Variants in STAU1 observed in about 807,000 individuals in gnomAD.
STAU1 encodes double-stranded RNA-binding protein Staufen homolog 1.
Under a neutral mutation model 62.9 loss-of-function variants are expected in STAU1, and 13 were observed. The ratio of observed to expected loss-of-function variants is 0.21; its 90% CI spans 0.13 to 0.33. The LOEUF is 0.33. STAU1 is among the 10% of genes least tolerant of loss of function. The pLI is 1.00. For synonymous variants in STAU1, 269 were observed against 265.1 expected, an observed-to-expected ratio of 1.01 and a Z score of -0.14; for missense variants, 571 against 712.1, an observed-to-expected ratio of 0.80 and a Z score of 2.25.
intron 3 of STAU1, among the ~76,000 whole-genome samples, chr20:49,154,736 G>A (rs1483910846): frequency 6.7e-6 from 1 of 150,354 alleles, no homozygotes; most frequent in African/African-American, 2.4e-5. Flanking sequence ...CATGGTGGCG[G>A]GTGCCTGCAG....
intron 3 of STAU1, among the ~76,000 whole-genome samples, chr20:49,158,705 G>A (rs1241471979): frequency 6.6e-6 from 1 of 152,024 alleles, no homozygotes; most frequent in East Asian, 1.9e-4. Flanking sequence ...AGCTACTTGG[G>A]TAGCTGAGGC....
chr20:49,159,143 A>G, intron 3 of STAU1: 1 of 1,078,868 alleles, frequency 9.3e-7, no homozygotes, highest in South Asian at 2.6e-5. Context: ...TGAAGGGGAA[A>G]AAGCTAAAAA....
At chr20:49,149,022 G>A (rs1221608296) in intron 5 of STAU1, among the ~76,000 whole-genome samples, 1 of 152,056 alleles carries the variant, frequency 6.6e-6, no homozygotes, top group African/African-American at 2.4e-5. Context: ...AGGCCAAGGT[G>A]GTCAGATCAC....
chr20:49,166,579 A>T (rs2093529847), intron 2 of STAU1, among the ~76,000 whole-genome samples: 1 of 152,220 alleles, frequency 6.6e-6, no homozygotes, highest in African/African-American at 2.4e-5. Context: ...TAAGAATTGC[A>T]AACTATAGCT....
intron 6 of STAU1, among the ~76,000 whole-genome samples, chr20:49,125,822 G>A (rs1266782634): frequency 6.6e-6 from 1 of 151,968 alleles, no homozygotes; most frequent in South Asian, 2.1e-4. Flanking sequence ...CAGCCTGGGT[G>A]ACAGAGTGGG....
chr20:49,139,572 A>G (rs2092962476), intron 5 of STAU1, among the ~76,000 whole-genome samples: 1 of 151,828 alleles, frequency 6.6e-6, no homozygotes, highest in African/African-American at 2.4e-5. Context: ...TAAAAATACA[A>G]AAAACTAGCC....
the STAU1 span, among the ~76,000 whole-genome samples, chr20:49,195,535 C>CAAAAAAAAAAAAA: frequency 2.2e-3 from 85 of 38,128 alleles, 3 homozygotes; most frequent in East Asian, 5.3e-3. Flanking sequence ...GACTCCGTCT[C>CAAAAAAAAAAAAA]AAAAAAAAAA....
intron 1 of STAU1, among the ~76,000 whole-genome samples, chr20:49,178,275 A>G (rs1025100925): frequency 1.3e-5 from 2 of 152,198 alleles, no homozygotes; most frequent in Admixed American, 1.3e-4. Flanking sequence ...CATTATCAAT[A>G]TATCTATATA....
intron 2 of STAU1, among the ~76,000 whole-genome samples, chr20:49,170,293 T>A (rs113874459): frequency 0.012 from 1,827 of 152,322 alleles, 33 homozygotes; most frequent in Non-Finnish European, 0.014. Flanking sequence ...GTTAGTCTTA[T>A]CCACTTTCAA....
the STAU1 span, among the ~76,000 whole-genome samples, chr20:49,199,236 A>AT: frequency 1.3e-5 from 2 of 150,926 alleles, no homozygotes; most frequent in Non-Finnish European, 1.5e-5. Flanking sequence ...CGCCTGGCTG[A>AT]TTTTTTTTAT....
At chr20:49,208,597 C>T in the STAU1 span, among the ~76,000 whole-genome samples, 2 of 151,632 alleles carry the variant, frequency 1.3e-5, no homozygotes, top group East Asian at 3.9e-4. Context: ...TCAAAACCAA[C>T]CTGAGCAACA....
At chr20:49,214,838 G>A in the STAU1 span, among the ~76,000 whole-genome samples, 1 of 152,218 alleles carries the variant, frequency 6.6e-6, no homozygotes, top group Non-Finnish European at 1.5e-5. Flanking sequence ...TAATGCATCA[G>A]TTGGGGTTAG....
chr20:49,146,467 C>G (rs1372457073), intron 5 of STAU1, among the ~76,000 whole-genome samples: 1 of 151,974 alleles, frequency 6.6e-6, no homozygotes, highest in African/African-American at 2.4e-5. Context: ...TCTGGGAGGC[C>G]AAGCTGGGCA....
the STAU1 span, among the ~76,000 whole-genome samples, chr20:49,193,985 A>G: frequency 6.9e-6 from 1 of 145,730 alleles, no homozygotes; most frequent in Non-Finnish European, 1.5e-5. Flanking sequence ...AAAAAAAAAA[A>G]GTGGTATTTC....
intron 1 of STAU1, among the ~76,000 whole-genome samples, chr20:49,176,543 G>T (rs902417815): frequency 6.6e-6 from 1 of 152,000 alleles, no homozygotes; most frequent in African/African-American, 2.4e-5. Flanking sequence ...GGCTTAACAG[G>T]CAATAAAAAA....
At position 49,126,175 on chromosome 20, in the gene STAU1, T is replaced by C. The variant is rs185877408; in HGVS notation, c.610-1588A>G. On this transcript the variant is annotated intron_variant, in intron 6 of 13. Coordinates refer to ENST00000371856, the MANE Select transcript of STAU1 (RefSeq NM_017453.4). ...TTAAGATATGAAACTAAAAGCACAA[T>C]CAACAAGAGGGAAAAAAAAAAGTCA... is the stretch of plus-strand genomic sequence containing the variant. 2.7e-4 allele frequency among the ~76,000 whole-genome samples: 41 copies of C among 150,504 alleles called. 1 individual carries two copies. Among genetic ancestry groups the C allele is most frequent in the African/African-American group, 9.1e-4 (37 of 40,722 alleles).
chr20:49,201,171 C>T, the STAU1 span, among the ~76,000 whole-genome samples: 1 of 150,610 alleles, frequency 6.6e-6, no homozygotes, highest in South Asian at 2.1e-4. Context: ...GAACTGTTCT[C>T]TATGCTACTA....
chr20:49,135,701 G>A (rs1483879549), intron 6 of STAU1, 132 bp downstream of exon 6: 1 of 705,174 alleles, frequency 1.4e-6, no homozygotes, highest in African/African-American at 1.8e-5. Flanking sequence ...TAAATATAAA[G>A]TATGAATCTT....
chr20:49,158,828 G>C (rs1373508370), intron 3 of STAU1: 2 of 719,220 alleles, frequency 2.8e-6, no homozygotes, highest in Non-Finnish European at 4.0e-6. Flanking sequence ...AGCCGGGCGC[G>C]GTGGCTCATG....
Sources: gnomAD v4.1 joint callset for allele counts (sites outside exome capture counted in the v4.1 genomes callset) on GRCh38, gnomAD v4.1.1 for gene constraint, MANE v1.5 for transcripts, NCBI Gene and HGNC (gene_info 2026-07-23, HGNC 2026-07-21) for gene names.